Variants in LARP1 observed in about 807,000 individuals in gnomAD.
LARP1 encodes the protein la-related protein 1.
In LARP1, 36 loss-of-function variants were observed where a neutral mutation model predicts 122.7. The observed-to-expected ratio is 0.29, with a 90% confidence interval of 0.22 to 0.39. The LOEUF (loss-of-function observed/expected upper bound fraction) is 0.39, where lower values mean the gene tolerates loss of function less well. Ranked by LOEUF, LARP1 falls within the 10% of genes least tolerant of loss-of-function variation. The probability of loss-of-function intolerance (pLI) is 1.00; values close to 1 mark genes in which losing one functional copy is unlikely to be tolerated. For missense variants in LARP1, 1,040 were observed against 1,403.6 expected (o/e 0.74, Z 4.14); for synonymous variants, 539 against 528.7 (o/e 1.02, Z -0.27).
Position 154,803,170 on chromosome 5 carries a change from T to A in LARP1, c.2110-120T>A. On this transcript the variant is annotated intron_variant, in intron 11 of 18. Transcript: ENST00000518297. This position sits in a 1 kb window ranked among gnomAD's most constrained non-coding sequence, Gnocchi z 4.4. The stretch of plus-strand genomic sequence containing the variant: ...GCAGCTGAGAGCCTGGGGACCAGAA[T>A]TCCACGTATGTCGACGTGGGAGCTG... 1 of 1,329,556 alleles carries A rather than the reference T, an allele frequency of 7.5e-7. No homozygotes were observed. The highest frequency in any genetic ancestry group is 1.1e-6 in the Non-Finnish European group (1 of 942,940). 82.4% of individuals were successfully genotyped at this position (1,329,556 alleles called of 1,614,324 possible). A position where few individuals can be genotyped will look rare whatever the true frequency, so the allele number is the denominator to read the frequency against.
At chr5:154,708,568 T>C (rs1755057908), upstream of LARP1, among the ~76,000 whole-genome samples, 1 of 152,200 alleles carries the variant, frequency 6.6e-6, no homozygotes, top group Non-Finnish European at 1.5e-5. Flanking sequence ...GGGCATGTAC[T>C]ATAATGTGGC....
chr5:154,717,876 C>T (rs182579696), intron 1 of LARP1, among the ~76,000 whole-genome samples: 3,136 of 150,994 alleles, frequency 0.021, 108 homozygotes, highest in African/African-American at 0.072. Flanking sequence ...GACACATATA[C>T]ACACACACAC....
At chr5:154,702,262 G>A (rs1270230601) in intron 1 of LARP1, among the ~76,000 whole-genome samples, 1 of 152,168 alleles carries the variant, frequency 6.6e-6, no homozygotes, top group Non-Finnish European at 1.5e-5. Flanking sequence ...TCTGCCCTAA[G>A]TATCTTCAAG....
At chr5:154,796,190 A>ATATATTTATATAT (rs1561616517) in intron 8 of LARP1, among the ~76,000 whole-genome samples, 1 of 129,872 alleles carries the variant, frequency 7.7e-6, no homozygotes, top group African/African-American at 2.9e-5. Context: ...TATATATTTT[A>ATATATTTATATAT]TATATATATA....
At chr5:154,729,085 G>A (rs1310033194) in intron 1 of LARP1, 2 of 152,456 alleles carry the variant, frequency 1.3e-5, no homozygotes, top group African/African-American at 2.4e-5. Context: ...GGAGCCTGAA[G>A]CTCAAGAAGC....
chr5:154,771,123 A>G (rs897488107), intron 1 of LARP1, among the ~76,000 whole-genome samples: 1 of 151,762 alleles, frequency 6.6e-6, no homozygotes, highest in African/African-American at 2.4e-5. Context: ...AAAGAAAAAA[A>G]AAAAAAAAGG....
intron 1 of LARP1, among the ~76,000 whole-genome samples, chr5:154,763,281 C>T (rs543917774): frequency 2.0e-5 from 3 of 151,954 alleles, no homozygotes; most frequent in East Asian, 1.9e-4. Flanking sequence ...GGGTTGGTCT[C>T]GAACTCCTGA....
At chr5:154,798,029 A>C (rs1282669311) in intron 8 of LARP1, among the ~76,000 whole-genome samples, 2 of 152,204 alleles carry the variant, frequency 1.3e-5, no homozygotes, top group Non-Finnish European at 2.9e-5. Context: ...CAGTTTTTCC[A>C]CTTATACAGT....
Position 154,793,634 on chromosome 5 carries a change from A to G in LARP1, c.779A>G (p.Lys260Arg). The change falls in exon 5 of 19, where the codon AAG becomes AGG. Residue 260 changes from lysine (K) to arginine (R), a missense_variant. Lys to Arg is a conservative substitution (Grantham distance 26). Transcript: ENST00000518297. Reference protein sequence around the residue: ...HKWVPLQIDMKPEVPREKLAS... With the variant: ...HKWVPLQIDMRPEVPREKLAS... ...TGGGTTCCATTACAAATAGACATGA[A>G]GCCTGAAGTGCCCAGAGAGAAACTG... 1.9e-6 allele frequency: 3 copies of G among 1,614,192 alleles called. No individual in the cohort carries two copies. The highest frequency in any genetic ancestry group is 2.5e-6 in the Non-Finnish European group (3 of 1,180,028).
At chr5:154,721,973 C>T (rs1755900302) in intron 1 of LARP1, among the ~76,000 whole-genome samples, 1 of 152,166 alleles carries the variant, frequency 6.6e-6, no homozygotes, top group Non-Finnish European at 1.5e-5. Context: ...CTCAGTCTAC[C>T]AGCTTACCTC....
chr5:154,718,480 C>T (rs1301492819), intron 1 of LARP1: 1 of 152,186 alleles, frequency 6.6e-6, no homozygotes, highest in African/African-American at 2.4e-5. Context: ...GGAGTTTTGA[C>T]CTGCTCCATT....
At chr5:154,723,947 G>C (rs12055336) in intron 1 of LARP1, among the ~76,000 whole-genome samples, 20,170 of 152,206 alleles carry the variant, frequency 0.13, 1,458 homozygotes, top group East Asian at 0.28. Context: ...GCAGGGGGCA[G>C]TAGGGTCCAG....
chr5:154,803,349 G>A lies in LARP1; in HGVS notation c.2169G>A (p.Leu723=). ...TCAGCCGGGAGCAGTTTGACACACTGACCCCTGAGCCCCCTGTGGATCCCA... is the reference window on the plus strand; with the variant it reads ...TCAGCCGGGAGCAGTTTGACACACTAACCCCTGAGCCCCCTGTGGATCCCA... ...NMISREQFDT[L]TPEPPVDPNQ... is the part of the protein sequence containing the mutation. The change falls in exon 12 of 19, where the codon CTG becomes CTA. Residue 723 remains leucine (L), a synonymous_variant. Coordinates refer to ENST00000518297, the MANE Select transcript of LARP1 (RefSeq NM_033551.3). This position sits in a 1 kb window ranked among gnomAD's most constrained non-coding sequence, Gnocchi z 4.4. 6.2e-7 allele frequency: 1 copy of A among 1,614,138 alleles called. No homozygotes were observed. Among genetic ancestry groups the A allele is most frequent in the Non-Finnish European group, 8.5e-7 (1 of 1,180,032 alleles).
At chr5:154,792,515 T>G in intron 3 of LARP1, 107 bp from the exon 4 acceptor site, 1 of 969,118 alleles carries the variant, frequency 1.0e-6, no homozygotes, top group Non-Finnish European at 1.6e-6. Flanking sequence ...CAGCCTGCCA[T>G]TGCATGCTGT....
chr5:154,699,006 G>C (rs1479808330), intron 1 of LARP1, among the ~76,000 whole-genome samples: 1 of 152,146 alleles, frequency 6.6e-6, no homozygotes, highest in Non-Finnish European at 1.5e-5. Context: ...TATTTCTTTC[G>C]ATACAAGCTG....
chr5:154,808,241 C>T (rs889480082), intron 15 of LARP1, among the ~76,000 whole-genome samples: 2 of 152,182 alleles, frequency 1.3e-5, no homozygotes, highest in African/African-American at 2.4e-5. Context: ...CTGCCACCTG[C>T]TCCTGGAAAA....
intron 1 of LARP1, among the ~76,000 whole-genome samples, chr5:154,741,152 G>A (rs1029605748): frequency 2.6e-5 from 4 of 152,174 alleles, no homozygotes; most frequent in Non-Finnish European, 4.4e-5. Flanking sequence ...TCAGTGCAGC[G>A]CGGTGGAGAT....
chr5:154,764,540 A>G (rs1754749737), intron 1 of LARP1, among the ~76,000 whole-genome samples: 1 of 24,590 alleles, frequency 4.1e-5, no homozygotes, highest in Admixed American at 2.5e-4. Flanking sequence ...GGTCGAGGCT[A>G]TATTGAGCAA....
intron 15 of LARP1, 75 bp downstream of exon 15, chr5:154,806,107 C>A: frequency 6.9e-7 from 1 of 1,455,024 alleles, no homozygotes; most frequent in Non-Finnish European, 9.3e-7. Context: ...TTGGGGGATA[C>A]GGGGATAGGT....
Sources: allele counts gnomAD v4.1 joint callset (sites outside exome capture counted in the v4.1 genomes callset), GRCh38; gene constraint gnomAD v4.1.1; non-coding constraint Gnocchi (gnomAD v3.1); transcripts MANE v1.5; gene names NCBI Gene and HGNC (gene_info 2026-07-23, HGNC 2026-07-21).